HOOK3: variants seen among roughly 807,000 people sequenced by gnomAD.
HOOK3 encodes hook microtubule tethering protein 3, also known as protein Hook homolog 3.
HOOK3 carries 24 observed loss-of-function variants against 116.3 expected under a neutral mutation model. The ratio of observed to expected loss-of-function variants is 0.21; its 90% CI spans 0.15 to 0.29. HOOK3 has a LOEUF of 0.29. HOOK3 is among the 10% of genes least tolerant of loss of function. HOOK3 has a pLI of 1.00. For missense variants in HOOK3, 632 were observed against 830.2 expected, an observed-to-expected ratio of 0.76 and a Z score of 2.93; for synonymous variants, 275 against 283.0, an observed-to-expected ratio of 0.97 and a Z score of 0.28.
intron 13 of HOOK3, among the ~76,000 whole-genome samples, chr8:42,977,737 C>T (rs1808855333): frequency 6.6e-6 from 1 of 151,914 alleles, no homozygotes; most frequent in African/African-American, 2.4e-5. Context: ...CATGGTGGTG[C>T]GTGCCTGTAA....
chr8:43,004,082 A>C (rs1809426993), intron 17 of HOOK3, among the ~76,000 whole-genome samples: 1 of 152,196 alleles, frequency 6.6e-6, no homozygotes, highest in Non-Finnish European at 1.5e-5. Flanking sequence ...TTAAAATGAC[A>C]GTGGTCCAGG....
chr8:42,939,736 G>A (rs1440669671), intron 4 of HOOK3, among the ~76,000 whole-genome samples: 4 of 150,726 alleles, frequency 2.7e-5, no homozygotes, highest in Non-Finnish European at 5.9e-5. Context: ...CGGGGCGGCT[G>A]CCGGGCGGAG....
Position 42,960,921 on chromosome 8 carries a change from G to A in HOOK3, c.615+1607G>A, listed in dbSNP as rs186065112. On this transcript the variant is annotated intron_variant, in intron 8 of 21. Coordinates refer to ENST00000307602, the MANE Select transcript of HOOK3 (RefSeq NM_032410.4). Reference sequence around the variant, plus strand: ...TGCATAATTTATAAAGAAAAAAGACGTTTAATTGGCTCACGGTTCTGCAGG... The same window carrying A: ...TGCATAATTTATAAAGAAAAAAGACATTTAATTGGCTCACGGTTCTGCAGG... Among the ~76,000 whole-genome samples, 480 of 152,298 alleles carry A rather than the reference G, an allele frequency of 3.2e-3. 1 individual carries two copies. The highest frequency in any genetic ancestry group is 4.6e-3 in the Non-Finnish European group (312 of 68,028).
intron 2 of HOOK3, among the ~76,000 whole-genome samples, chr8:42,913,084 A>AT (rs564445714): frequency 1.0e-4 from 15 of 150,460 alleles, no homozygotes; most frequent in African/African-American, 2.2e-4. Flanking sequence ...TTGATGGCTC[A>AT]TTTTTTTTTA....
chr8:42,903,338 CTTTTTTTTTTTTT>C (rs1164136399), intron 1 of HOOK3, among the ~76,000 whole-genome samples: 2 of 87,588 alleles, frequency 2.3e-5, no homozygotes, highest in Non-Finnish European at 4.2e-5. Context: ...TAATAGTTGT[CTTTTTTTTTTTTT>C]TTTTTTTTTT....
chr8:42,946,431 GGAT>G (rs1282561702), intron 5 of HOOK3, among the ~76,000 whole-genome samples: 1 of 152,056 alleles, frequency 6.6e-6, no homozygotes, highest in Admixed American at 6.6e-5. Flanking sequence ...AGTGAGAAAA[GGAT>G]GAAGGAAAAT....
At chr8:42,948,051 G>C (rs2130392610) in intron 5 of HOOK3, among the ~76,000 whole-genome samples, 1 of 152,220 alleles carries the variant, frequency 6.6e-6, no homozygotes, top group East Asian at 1.9e-4. Flanking sequence ...ACAAAGATTA[G>C]TAGTAGAAGA....
Position 43,018,319 on chromosome 8 carries a change from A to G in HOOK3, c.2017-39A>G, listed in dbSNP as rs1218080048. 5 of 1,540,308 alleles carry G rather than the reference A, an allele frequency of 3.2e-6. No homozygotes were observed. In the African/African-American group the frequency reaches 4.2e-5, roughly 13 times the overall value. On this transcript the variant is annotated intron_variant, in intron 21 of 21. Transcript: ENST00000307602. Reference sequence around the variant, plus strand: ...TTTCTTTTGTGAAGTATGTTCCACTATTTTTTCATTGATTCCTTTTTTTGT... The same window carrying G: ...TTTCTTTTGTGAAGTATGTTCCACTGTTTTTTCATTGATTCCTTTTTTTGT...
Position 43,013,544 on chromosome 8 carries a change from T to G in HOOK3, c.2016+144T>G, listed in dbSNP as rs915021915. 1.6e-5 allele frequency: 10 copies of G among 638,676 alleles called. No individual in the cohort carries two copies. In the African/African-American group the frequency reaches 1.7e-4, roughly 11 times the overall value. 39.6% of individuals were successfully genotyped at this position (638,676 alleles called of 1,614,324 possible). On this transcript the variant is annotated intron_variant, in intron 21 of 21. Coordinates refer to ENST00000307602, the MANE Select transcript of HOOK3 (RefSeq NM_032410.4). ...ACATACACTAACAGAATCTTAATGT[T>G]ATTTCTGAACTGAAAAGCAACTATG...
At chr8:42,921,676 C>G (rs1807659862) in intron 2 of HOOK3, among the ~76,000 whole-genome samples, 1 of 152,142 alleles carries the variant, frequency 6.6e-6, no homozygotes, top group Non-Finnish European at 1.5e-5. Context: ...GAAAAAGAGA[C>G]TCTTTGGATC....
At chr8:42,933,344 A>C (rs1209999046) in intron 4 of HOOK3, among the ~76,000 whole-genome samples, 1 of 152,238 alleles carries the variant, frequency 6.6e-6, no homozygotes, top group Non-Finnish European at 1.5e-5. Flanking sequence ...CCTTTAGGCC[A>C]GATTCATTTT....
At position 42,973,273 on chromosome 8, in the gene HOOK3, T is replaced by G; in HGVS notation, c.1123-16T>G. 1 of 1,593,226 alleles carries G rather than the reference T, an allele frequency of 6.3e-7. No homozygotes were observed. Among genetic ancestry groups the G allele is most frequent in the Non-Finnish European group, 8.5e-7 (1 of 1,172,748 alleles). The stretch of plus-strand genomic sequence containing the variant: ...GTCTCAGATTATGTATAAGTAATGG[T>G]ATCTTTCTGTATCAGGTAGTAGAAC... On this transcript the variant is annotated splice_polypyrimidine_tract_variant and intron_variant, in intron 11 of 21. Transcript: ENST00000307602.
chr8:43,014,629 G>A (rs1022866647), intron 21 of HOOK3, among the ~76,000 whole-genome samples: 4 of 152,010 alleles, frequency 2.6e-5, no homozygotes, highest in African/African-American at 4.8e-5. Flanking sequence ...GATTACAGGC[G>A]TGAGCCACCG....
intron 11 of HOOK3, among the ~76,000 whole-genome samples, chr8:42,970,060 G>A (rs192192117): frequency 9.1e-4 from 139 of 152,198 alleles, no homozygotes; most frequent in African/African-American, 3.3e-3. Flanking sequence ...TTTAAAGTTT[G>A]TTTTGCACAT....
intron 1 of HOOK3, among the ~76,000 whole-genome samples, chr8:42,900,928 T>C (rs572445053): frequency 6.6e-6 from 1 of 152,352 alleles, no homozygotes; most frequent in South Asian, 2.1e-4. Flanking sequence ...GTATTTCTAA[T>C]AGGTTCCCAG....
rs1250471448 is a variant in HOOK3, at chr8:43,029,398, T to C, written c.*10900T>C. 1.8e-5 allele frequency: 3 copies of C among 171,234 alleles called. No homozygotes were observed. The highest frequency in any genetic ancestry group is 2.0e-4 in the South Asian group (1 of 4,988). 10.6% of individuals were successfully genotyped at this position (171,234 alleles called of 1,614,324 possible). On this transcript the variant is annotated 3_prime_UTR_variant, in exon 22 of 22. Transcript: ENST00000307602. ...CTCTTGATCTCGTGATCTGCCCGCA[T>C]TGGCCTCCTGAAGTGCTGGGATTAC...
At position 42,928,817 on chromosome 8, in the gene HOOK3, G is replaced by A. The variant is rs530171575; in HGVS notation, c.217-1305G>A. On this transcript the variant is annotated intron_variant, in intron 3 of 21. Transcript: ENST00000307602. ...AACATTTTGGGAGGCCAAGGTGGGC[G>A]AATCACCTGAGGTCAGAAGTTCGAG... Among the ~76,000 whole-genome samples the A allele has an allele frequency of 1.3e-4, 20 of 152,266 alleles. No individual in the cohort carries two copies. In the East Asian group the frequency reaches 2.3e-3, roughly 18 times the overall value.
intron 5 of HOOK3, among the ~76,000 whole-genome samples, chr8:42,944,381 A>G (rs1292224785): frequency 6.6e-6 from 1 of 152,042 alleles, no homozygotes. Context: ...GCATCACTGC[A>G]CTCCAGCCTG....
chr8:42,994,954 C>A (rs991381014), intron 15 of HOOK3, among the ~76,000 whole-genome samples: 4 of 152,146 alleles, frequency 2.6e-5, no homozygotes, highest in African/African-American at 9.7e-5. Context: ...TTGAAATAAT[C>A]TTTTAGTTGA....
Sources: allele counts gnomAD v4.1 joint callset (sites outside exome capture counted in the v4.1 genomes callset), GRCh38; gene constraint gnomAD v4.1.1; transcripts MANE v1.5; gene names NCBI Gene and HGNC (gene_info 2026-07-23, HGNC 2026-07-21).